Variants in PLEKHG2 observed in about 807,000 individuals in gnomAD.
PLEKHG2 encodes pleckstrin homology domain-containing family G member 2.
PLEKHG2 carries 71 observed loss-of-function variants against 104.4 expected under a neutral mutation model. The observed-to-expected ratio is 0.68, with a 90% confidence interval of 0.56 to 0.83. The LOEUF is 0.83. Among genes scored for constraint, PLEKHG2 ranks in the 40% least tolerant of loss-of-function variants. The probability of loss-of-function intolerance (pLI) is 0.00; values close to 1 mark genes in which losing one functional copy is unlikely to be tolerated. For missense variants in PLEKHG2, 1,730 were observed against 1,809.4 expected (o/e 0.96, Z 0.80); for synonymous variants, 728 against 737.0 (o/e 0.99, Z 0.20).
In PLEKHG2 at chr19:39,421,067, C is replaced by T. The variant is rs2146004384; in HGVS notation, c.1448-8C>T. 1.2e-6 allele frequency: 2 copies of T among 1,614,042 alleles called. No individual in the cohort carries two copies. Among genetic ancestry groups the T allele is most frequent in the Admixed American group, 3.3e-5 (2 of 60,022 alleles). On this transcript the variant is annotated splice_polypyrimidine_tract_variant and splice_region_variant and intron_variant, in intron 14 of 18. Coordinates refer to ENST00000425673, the MANE Select transcript of PLEKHG2 (RefSeq NM_022835.3). The stretch of plus-strand genomic sequence containing the variant: ...TGGGCTCCTGACATCACTGTGTCCT[C>T]CCCGCAGAGCCGGTGAAGGACCCTT...
chr19:39,417,886 C>A lies in PLEKHG2; in HGVS notation c.883-19C>A. ...ATGCTTGTCTCTGCGCCCCGGCGCA[C>A]CTGGCGGGGTCCCGGCAGGAAGTGC... is the stretch of plus-strand genomic sequence containing the variant. On this transcript the variant is annotated intron_variant, in intron 8 of 18. Transcript: ENST00000425673. The A allele has an allele frequency of 6.5e-7, 1 of 1,532,516 alleles. No homozygotes were observed. The highest frequency in any genetic ancestry group is 2.4e-5 in the East Asian group (1 of 40,832). The allele number at this position is 1,532,516 out of a possible 1,614,324, so 94.9% of individuals were successfully genotyped here.
chr19:39,422,894 G>A lies in PLEKHG2; in HGVS notation c.1840G>A (p.Val614Ile), dbSNP rs147484241. The change falls in exon 18 of 19, where the codon GTC becomes ATC. Residue 614 changes from valine to isoleucine, a missense_variant. Val to Ile is a conservative substitution (Grantham distance 29). Transcript: ENST00000425673. ...MDERGPSPLH[V>I]LEGLESSIAA... ...TGAACGGGGGCCTTCCCCACTCCAC[G>A]TCCTGGAAGGGCTCGAAAGTTCCAT... 49 of 1,596,294 alleles carry A rather than the reference G, an allele frequency of 3.1e-5. No homozygotes were observed. The highest frequency in any genetic ancestry group is 1.1e-4 in the African/African-American group (8 of 74,862).
At chr19:39,421,361 G>A in intron 16 of PLEKHG2, 62 bp downstream of exon 16, 2 of 1,553,840 alleles carry the variant, frequency 1.3e-6, no homozygotes, top group South Asian at 2.3e-5. Context: ...GGAGAAGGGA[G>A]CTTGAGTTCC....
Position 39,425,060 on chromosome 19 carries a change from C to A in PLEKHG2, c.3927C>A (p.Ser1309=). The change falls in exon 19 of 19, where the codon TCC becomes TCA. Residue 1309 remains serine (S), a synonymous_variant. Coordinates refer to ENST00000425673, the MANE Select transcript of PLEKHG2 (RefSeq NM_022835.3). ...CCGCAGCCTCCCGGGGCTCCTGGTCCTCTGCTCCCACGTCACGGGCATCTT... is the reference window on the plus strand; with the variant it reads ...CCGCAGCCTCCCGGGGCTCCTGGTCATCTGCTCCCACGTCACGGGCATCTT... ...GAPAASRGSW[S]SAPTSRASSP... is the part of the protein sequence containing the mutation. 1 of 1,598,486 alleles carries A rather than the reference C, an allele frequency of 6.3e-7. No individual in the cohort carries two copies. The highest frequency in any genetic ancestry group is 8.5e-7 in the Non-Finnish European group (1 of 1,172,968).
In PLEKHG2 at chr19:39,418,941, C is replaced by G; in HGVS notation, c.1201C>G (p.Leu401Val). ...GGCCAAGAACCAAGAAGAGAAGAGG[C>G]TGTGGATTCACTGTCTCCAGCGCCT... is the stretch of plus-strand genomic sequence containing the variant. The part of the protein sequence containing the change: ...LQAKNQEEKR[L>V]WIHCLQRLFF... The change falls in exon 11 of 19, where the codon CTG becomes GTG. Residue 401 changes from leucine to valine, a missense_variant. Transcript: ENST00000425673. 1 of 1,613,098 alleles carries G rather than the reference C, an allele frequency of 6.2e-7. No homozygotes were observed. Among genetic ancestry groups the G allele is most frequent in the South Asian group, 1.1e-5 (1 of 90,884 alleles).
In PLEKHG2 at chr19:39,423,640, G is replaced by C; in HGVS notation, c.2586G>C (p.Glu862Asp). 1.9e-6 allele frequency: 3 copies of C among 1,539,116 alleles called. No homozygotes were observed. The highest frequency in any genetic ancestry group is 2.6e-6 in the Non-Finnish European group (3 of 1,143,764). ...QPQPSPCLPQEQAEPGLLPAF... is the reference protein window; with the variant it reads ...QPQPSPCLPQDQAEPGLLPAF... ...AGCCATCCCCCTGTCTGCCCCAGGA[G>C]CAGGCAGAGCCAGGTGAGGTCCGGG... The change falls in exon 18 of 19, where the codon GAG becomes GAC. Residue 862 changes from glutamate to aspartate, a missense_variant. Transcript: ENST00000425673.
Position 39,416,036 on chromosome 19 carries a change from C to T in PLEKHG2, c.480-312C>T, listed in dbSNP as rs2078597796. On this transcript the variant is annotated intron_variant, in intron 4 of 18. Coordinates refer to ENST00000425673, the MANE Select transcript of PLEKHG2 (RefSeq NM_022835.3). The surrounding 1 kb of genome is among the most constrained non-coding windows in gnomAD (Gnocchi z 4.5). Reference sequence around the variant, plus strand: ...ATTTCCAAGTACCTTGACGAGGTCTCGGGATTACAGCAGGAACTTAAGATC... The same window carrying T: ...ATTTCCAAGTACCTTGACGAGGTCTTGGGATTACAGCAGGAACTTAAGATC... 6.6e-6 allele frequency among the ~76,000 whole-genome samples: 1 copy of T among 152,058 alleles called. No individual in the cohort carries two copies. The highest frequency in any genetic ancestry group is 6.5e-5 in the Admixed American group (1 of 15,280).
At position 39,415,110 on chromosome 19, in the gene PLEKHG2, G is replaced by A; in HGVS notation, c.228G>A (p.Arg76=). The change falls in exon 3 of 19, where the codon AGG becomes AGA. Residue 76 remains arginine, a synonymous_variant. Transcript: ENST00000425673. This position sits in a 1 kb window ranked among gnomAD's most constrained non-coding sequence, Gnocchi z 4.6. ...PGPTPACSAS[R]PEPLPGPPIR... is the part of the protein sequence containing the mutation. ...CCACTCCAGCCTGCTCAGCCTCCAGGCCAGAGCCCCTTCCAGGGCCTCCCA... is the reference window on the plus strand; with the variant it reads ...CCACTCCAGCCTGCTCAGCCTCCAGACCAGAGCCCCTTCCAGGGCCTCCCA... 3 of 1,596,450 alleles carry A rather than the reference G, an allele frequency of 1.9e-6. No individual in the cohort carries two copies. Among genetic ancestry groups the A allele is most frequent in the Non-Finnish European group, 2.6e-6 (3 of 1,171,436 alleles).
intron 18 of PLEKHG2, 33 bp downstream of exon 18, chr19:39,423,686 T>TACGTGAGGA: frequency 6.4e-7 from 1 of 1,563,124 alleles, no homozygotes; most frequent in African/African-American, 1.4e-5. Context: ...GCAGAGGTGG[T>TACGTGAGGA]CCCCGCTGGA....
chr19:39,423,590 C>T lies in PLEKHG2; in HGVS notation c.2536C>T (p.Arg846Trp), dbSNP rs377169911. The T allele has an allele frequency of 2.1e-4, 328 of 1,533,070 alleles. No homozygotes were observed. Among genetic ancestry groups the T allele is most frequent in the Middle Eastern group, 3.5e-4 (2 of 5,652 alleles). The allele number at this position is 1,533,070 out of a possible 1,614,324, so 95.0% of individuals were successfully genotyped here. A position where few individuals can be genotyped will look rare whatever the true frequency, so the allele number is the denominator to read the frequency against. The change falls in exon 18 of 19, where the codon CGG becomes TGG. Residue 846 changes from arginine to tryptophan, a missense_variant. Transcript: ENST00000425673. ...TRASANAPRR[R>W]PRVLAQPQPS... Reference sequence around the variant, plus strand: ...GGCATCAGCCAATGCCCCGCGCCGCCGGCCTCGGGTTCTGGCCCAACCCCA... The same window carrying T: ...GGCATCAGCCAATGCCCCGCGCCGCTGGCCTCGGGTTCTGGCCCAACCCCA...
intron 17 of PLEKHG2, 63 bp downstream of exon 17, chr19:39,422,351 C>A: frequency 6.6e-7 from 1 of 1,512,764 alleles, no homozygotes; most frequent in East Asian, 2.4e-5. Context: ...AGACCAGGGA[C>A]CAGATAGGCC....
In PLEKHG2 at chr19:39,416,265, C is replaced by A; in HGVS notation, c.480-83C>A. ...CAGCAAGCCCCCAGCCCCAGCAGAC[C>A]ATTGGGGCCTCAGCCTCCTGGAGGC... On this transcript the variant is annotated intron_variant, in intron 4 of 18. Transcript: ENST00000425673. The surrounding 1 kb of genome is among the most constrained non-coding windows in gnomAD (Gnocchi z 4.5). 1 of 1,376,464 alleles carries A rather than the reference C, an allele frequency of 7.3e-7. No homozygotes were observed. Among genetic ancestry groups the A allele is most frequent in the Non-Finnish European group, 1.0e-6 (1 of 972,138 alleles). 85.3% of individuals were successfully genotyped at this position (1,376,464 alleles called of 1,614,324 possible). A position where few individuals can be genotyped will look rare whatever the true frequency, so the allele number is the denominator to read the frequency against.
intron 11 of PLEKHG2, among the ~76,000 whole-genome samples, chr19:39,420,086 G>A (rs1162709710): frequency 2.0e-5 from 3 of 151,842 alleles, no homozygotes; most frequent in South Asian, 2.1e-4. Flanking sequence ...TGGGCTGGAC[G>A]TGGTGGTTCA....
intron 2 of PLEKHG2, among the ~76,000 whole-genome samples, chr19:39,414,732 C>G (rs1360080002): frequency 6.6e-6 from 1 of 152,100 alleles, no homozygotes; most frequent in Non-Finnish European, 1.5e-5. Flanking sequence ...GGGAGTAATA[C>G]AGTCAGATAG....
At position 39,417,998 on chromosome 19, in the gene PLEKHG2, G is replaced by C; in HGVS notation, c.976G>C (p.Gly326Arg). The C allele has an allele frequency of 1.3e-6, 2 of 1,555,098 alleles. No individual in the cohort carries two copies. The highest frequency in any genetic ancestry group is 1.7e-6 in the Non-Finnish European group (2 of 1,152,454). The change falls in exon 9 of 19, where the codon GGT becomes CGT. Residue 326 changes from glycine to arginine, a missense_variant. Gly to Arg is a moderately radical substitution (Grantham distance 125). Coordinates refer to ENST00000425673, the MANE Select transcript of PLEKHG2 (RefSeq NM_022835.3). ...LEGAFRGGGG[G>R]GPRLRGGERL... ...GGGCGCGTTCCGAGGAGGCGGAGGG[G>C]GTGGCCCCCGGCTACGAGGGGGTGA...
Position 39,414,032 on chromosome 19 carries a change from G to A in PLEKHG2, c.-22-33G>A. ...TCTGGGCGGCGGAGAGGCCCATGGG[G>A]TCCTGATATCCAAGAAGGGGCTCTT... On this transcript the variant is annotated intron_variant, in intron 1 of 18. Coordinates refer to ENST00000425673, the MANE Select transcript of PLEKHG2 (RefSeq NM_022835.3). 2.0e-6 allele frequency: 3 copies of A among 1,469,922 alleles called. No individual in the cohort carries two copies. The South Asian group carries it at 3.7e-5, about 18-fold the overall frequency. The allele number at this position is 1,469,922 out of a possible 1,614,324, so 91.1% of individuals were successfully genotyped here. A position where few individuals can be genotyped will look rare whatever the true frequency, so the allele number is the denominator to read the frequency against.
intron 11 of PLEKHG2, among the ~76,000 whole-genome samples, chr19:39,419,652 C>T (rs569742036): frequency 1.3e-5 from 2 of 151,380 alleles, no homozygotes; most frequent in South Asian, 4.2e-4. Context: ...CCGAGGCGGG[C>T]GGATCACGAG....
intron 16 of PLEKHG2, 72 bp from the exon 17 acceptor site, chr19:39,422,043 A>T: frequency 1.4e-6 from 2 of 1,450,470 alleles, no homozygotes; most frequent in East Asian, 5.1e-5. Context: ...AAAGAAGGGG[A>T]TTGGGACTTG....
chr19:39,416,843 C>T lies in PLEKHG2; in HGVS notation c.594-7C>T. The T allele has an allele frequency of 6.3e-7, 1 of 1,595,826 alleles. No individual in the cohort carries two copies. The highest frequency in any genetic ancestry group is 8.5e-7 in the Non-Finnish European group (1 of 1,172,000). On this transcript the variant is annotated splice_polypyrimidine_tract_variant and splice_region_variant and intron_variant, in intron 6 of 18. Coordinates refer to ENST00000425673, the MANE Select transcript of PLEKHG2 (RefSeq NM_022835.3). This position sits in a 1 kb window ranked among gnomAD's most constrained non-coding sequence, Gnocchi z 4.5. ...ACAATCCCCACTGACCTGTGCTGTG[C>T]CCCCAGCTCCCTGGCCCTGCTCCGG...
Sources: gnomAD v4.1 joint callset for allele counts (sites outside exome capture counted in the v4.1 genomes callset) on GRCh38, gnomAD v4.1.1 for gene constraint, Gnocchi (gnomAD v3.1) non-coding constraint, MANE v1.5 for transcripts, NCBI Gene and HGNC (gene_info 2026-07-23, HGNC 2026-07-21) for gene names.